NSD1: variants seen among roughly 807,000 people sequenced by gnomAD.
The protein encoded by NSD1 is histone-lysine N-methyltransferase, H3 lysine-36 specific.
NSD1 carries 26 observed loss-of-function variants against 242.7 expected under a neutral mutation model. The observed-to-expected ratio is 0.11, with a 90% CI of 0.08 to 0.15. The LOEUF is 0.15. Among genes scored for constraint, NSD1 ranks in the 10% least tolerant of loss-of-function variants. The pLI is 1.00. For missense variants in NSD1, 2,495 were observed against 3,272.8 expected, an observed-to-expected ratio of 0.76 and a Z score of 5.80; for synonymous variants, 1,106 against 1,178.1, an observed-to-expected ratio of 0.94 and a Z score of 1.25.
In NSD1 at chr5:177,273,764, C is replaced by T; in HGVS notation, c.5602C>T (p.Pro1868Ser). ...AGACCGAAAGAATGACAAGAAGCCA[C>T]CACCTTATAAACATATAAAGGTGAG... ...QEDRKNDKKP[P>S]PYKHIKVNRP... The change falls in exon 17 of 23, where the codon CCA (proline) becomes TCA (serine). Residue 1868 changes from proline to serine, a missense_variant. By Grantham distance (74) the Pro-to-Ser change is moderately conservative. Transcript: ENST00000439151. The T allele has an allele frequency of 6.2e-7, 1 of 1,612,820 alleles. No individual in the cohort carries two copies. The highest frequency in any genetic ancestry group is 8.5e-7 in the Non-Finnish European group (1 of 1,179,028).
chr5:177,272,006 C>G (rs989144480), intron 16 of NSD1, among the ~76,000 whole-genome samples: 4 of 152,070 alleles, frequency 2.6e-5, no homozygotes, highest in Admixed American at 2.0e-4. Context: ...CGCCTGTAAT[C>G]CCAGCTACTC....
At chr5:177,246,907 T>C in intron 10 of NSD1, 111 bp downstream of exon 10, 6 of 794,912 alleles carry the variant, frequency 7.5e-6, no homozygotes, top group Non-Finnish European at 1.3e-5. Context: ...TCTACTGAAA[T>C]GGCTGATGGC....
chr5:177,141,566 G>A (rs1756826097), intron 2 of NSD1, among the ~76,000 whole-genome samples: 1 of 151,816 alleles, frequency 6.6e-6, no homozygotes, highest in South Asian at 2.1e-4. Flanking sequence ...CTAACCTCAA[G>A]TGATCCACCT....
At chr5:177,204,407 A>G (rs1762727296) in intron 4 of NSD1, 115 bp downstream of exon 4, 4 of 961,782 alleles carry the variant, frequency 4.2e-6, no homozygotes, top group Non-Finnish European at 6.3e-6. Context: ...AGATTGGAGT[A>G]CAGTGGTGCA....
At chr5:177,240,780 T>G (rs1170008595) in intron 8 of NSD1, among the ~76,000 whole-genome samples, 1 of 152,082 alleles carries the variant, frequency 6.6e-6, no homozygotes, top group Admixed American at 6.5e-5. Context: ...CCCGAGGCAG[T>G]AGGATTGCTT....
Position 177,211,282 on chromosome 5 carries a change from C to T in NSD1, c.2883C>T (p.Ser961=), listed in dbSNP as rs761201765. The T allele has an allele frequency of 5.0e-6, 8 of 1,614,084 alleles. No homozygotes were observed. In the Admixed American group the frequency reaches 5.0e-5, roughly 10 times the overall value. Residue 961 remains serine, a synonymous_variant, in exon 5 of 23, where the codon TCC becomes TCT. Coordinates refer to ENST00000439151, the MANE Select transcript of NSD1 (RefSeq NM_022455.5). ...CTAAGGTTTTGGTTTCAGGAGGCTC[C>T]ACACACAATTCAGAGAAAAAGGGAG... The part of the protein sequence containing the change: ...GVSKVLVSGG[S]THNSEKKGDG...
chr5:177,207,562 G>GT (rs1762979867), intron 4 of NSD1, among the ~76,000 whole-genome samples: 1 of 146,734 alleles, frequency 6.8e-6, no homozygotes, highest in Admixed American at 6.8e-5. Flanking sequence ...GATTGCAGGC[G>GT]TGAGCCACCG....
chr5:177,175,944 C>T (rs541065613), intron 2 of NSD1, among the ~76,000 whole-genome samples: 105 of 151,508 alleles, frequency 6.9e-4, no homozygotes, highest in Admixed American at 1.6e-3. Context: ...GGCGCCATCT[C>T]GGCTCACTGC....
At chr5:177,224,091 T>G (rs1423226290) in intron 5 of NSD1, among the ~76,000 whole-genome samples, 1 of 152,264 alleles carries the variant, frequency 6.6e-6, no homozygotes, top group Non-Finnish European at 1.5e-5. Context: ...TTTCTGAAAT[T>G]GGAAAGTATA....
chr5:177,182,575 A>G (rs1480964441), intron 2 of NSD1, among the ~76,000 whole-genome samples: 1 of 151,670 alleles, frequency 6.6e-6, no homozygotes, highest in Non-Finnish European at 1.5e-5. Flanking sequence ...ACCCCCAACT[A>G]AGTCTGGCTT....
intron 2 of NSD1, among the ~76,000 whole-genome samples, chr5:177,187,285 A>G (rs966464783): frequency 4.0e-5 from 6 of 151,646 alleles, no homozygotes; most frequent in Non-Finnish European, 5.9e-5. Context: ...TTGTATTTTT[A>G]GTAGAGATGG....
intron 2 of NSD1, among the ~76,000 whole-genome samples, chr5:177,141,476 G>C (rs1471677952): frequency 6.6e-6 from 1 of 150,904 alleles, no homozygotes; most frequent in Non-Finnish European, 1.5e-5. Flanking sequence ...GATTGCAGGC[G>C]CCCTCCACCA....
At chr5:177,163,220 G>T (rs1401447815) in intron 2 of NSD1, among the ~76,000 whole-genome samples, 2 of 146,322 alleles carry the variant, frequency 1.4e-5, no homozygotes, top group Non-Finnish European at 3.0e-5. Context: ...TCGGCTCACT[G>T]CAACGTCCAC....
At position 177,184,993 on chromosome 5, in the gene NSD1, T is replaced by C. The variant is rs567320452; in HGVS notation, c.928-6891T>C. Among the ~76,000 whole-genome samples, 3 of 152,308 alleles carry C rather than the reference T, an allele frequency of 2.0e-5. No homozygotes were observed. In the South Asian group the frequency reaches 6.2e-4, roughly 32 times the overall value. On this transcript the variant is annotated intron_variant, in intron 2 of 22. Transcript: ENST00000439151. ...ACGGATGTGTTTTTGTCTTATATAT[T>C]GCTGTCGTCTCTTTATAACAACTTA...
chr5:177,280,939 A>G (rs1758822861), intron 18 of NSD1, 105 bp downstream of exon 18: 1 of 1,254,016 alleles, frequency 8.0e-7, no homozygotes, highest in Middle Eastern at 2.6e-4. Flanking sequence ...TAACACAGTT[A>G]ATAATTAACC....
Position 177,238,981 on chromosome 5 carries a change from G to A in NSD1, c.4192+474G>A, listed in dbSNP as rs1765652623. ...CATAGTAATTACCAGTTCATTAGAA[G>A]TTAATTACCAGTTACTTCTCACTTG... is the stretch of plus-strand genomic sequence containing the variant. On this transcript the variant is annotated intron_variant, in intron 7 of 22. Transcript: ENST00000439151. This position sits in a 1 kb window ranked among gnomAD's most constrained non-coding sequence, Gnocchi z 4.6. Among the ~76,000 whole-genome samples, 1 of 152,128 alleles carries A rather than the reference G, an allele frequency of 6.6e-6. No homozygotes were observed. The highest frequency in any genetic ancestry group is 2.4e-5 in the African/African-American group (1 of 41,388).
intron 2 of NSD1, among the ~76,000 whole-genome samples, chr5:177,145,908 CAAAAAA>C (rs35091295): frequency 8.3e-6 from 1 of 119,798 alleles, no homozygotes; most frequent in Non-Finnish European, 1.7e-5. Context: ...AACTCCATCT[CAAAAAA>C]AAAAAAAAAA....
chr5:177,186,030 T>A (rs1337823539), intron 2 of NSD1, among the ~76,000 whole-genome samples: 1 of 99,296 alleles, frequency 1.0e-5, no homozygotes, highest in Non-Finnish European at 1.9e-5. Flanking sequence ...ATATTATATA[T>A]TTTTTATATA....
chr5:177,182,475 C>G (rs1271318552), intron 2 of NSD1, among the ~76,000 whole-genome samples: 1 of 152,040 alleles, frequency 6.6e-6, no homozygotes. Context: ...TTCCCAGGCT[C>G]AAGTACAGTG....
Sources: gnomAD v4.1 joint callset for allele counts (sites outside exome capture counted in the v4.1 genomes callset) on GRCh38, gnomAD v4.1.1 for gene constraint, Gnocchi (gnomAD v3.1) non-coding constraint, MANE v1.5 for transcripts, NCBI Gene and HGNC (gene_info 2026-07-23, HGNC 2026-07-21) for gene names.